BRD1: variants seen among roughly 807,000 people sequenced by gnomAD.
BRD1 encodes the protein bromodomain-containing protein 1.
In BRD1, 24 loss-of-function variants were observed where a neutral mutation model predicts 107.7. That is an observed-to-expected ratio of 0.22 (90% CI 0.16 to 0.31). The LOEUF is 0.31. Among genes scored for constraint, BRD1 ranks in the 10% least tolerant of loss-of-function variants. The pLI is 1.00. For synonymous variants in BRD1, 744 were observed against 686.1 expected (o/e 1.08, Z -1.32); for missense variants, 1,279 against 1,638.6 (o/e 0.78, Z 3.79).
intron 6 of BRD1, 85 bp from the exon 7 acceptor site, chr22:49,794,379 T>A: frequency 6.6e-7 from 1 of 1,517,906 alleles, no homozygotes; most frequent in Non-Finnish European, 8.8e-7. Flanking sequence ...TCAAATCACC[T>A]TCGGCCAAGG....
At chr22:49,778,165 T>C (rs1237546388) in intron 8 of BRD1, among the ~76,000 whole-genome samples, 1 of 152,072 alleles carries the variant, frequency 6.6e-6, no homozygotes, top group Non-Finnish European at 1.5e-5. Context: ...AACCTGTGAG[T>C]GCAAACACGG....
chr22:49,800,795 G>A (rs982148581), intron 3 of BRD1, among the ~76,000 whole-genome samples: 5 of 152,214 alleles, frequency 3.3e-5, no homozygotes, highest in African/African-American at 7.2e-5. Flanking sequence ...GAGGCTCCAC[G>A]AGAAAGGACA....
chr22:49,779,885 C>A (rs1175768210), intron 8 of BRD1, among the ~76,000 whole-genome samples: 2 of 152,148 alleles, frequency 1.3e-5, no homozygotes, highest in Non-Finnish European at 2.9e-5. Context: ...GCCCACAGGC[C>A]CGGAGAGGGG....
At chr22:49,812,248 CAA>C (rs2059864391) in intron 2 of BRD1, among the ~76,000 whole-genome samples, 1 of 151,794 alleles carries the variant, frequency 6.6e-6, no homozygotes, top group African/African-American at 2.4e-5. Flanking sequence ...ATACTGTCCA[CAA>C]AGACGATCCA....
chr22:49,787,348 T>A (rs747733352), intron 8 of BRD1, 42 bp downstream of exon 8: 2 of 1,280,924 alleles, frequency 1.6e-6, no homozygotes, highest in East Asian at 4.7e-5. Flanking sequence ...CTCCAGGCAC[T>A]GGTCGGCAAG....
In BRD1 at chr22:49,775,680, G is replaced by C. The variant is rs907957374; in HGVS notation, c.3297C>G (p.Pro1099=). The change falls in exon 12 of 13, where the codon CCC becomes CCG. Residue 1099 remains proline, a synonymous_variant. Coordinates refer to ENST00000404760, the MANE Select transcript of BRD1 (RefSeq NM_001304808.3). The stretch of plus-strand genomic sequence containing the variant: ...GCTCCCCAATCTTCAGCACGTCCAG[G>C]GGTGGGGCCGGGATGGTGACGCCGT... ...HHNGVTIPAP[P]LDVLKIGEHM... is the part of the protein sequence containing the mutation. 9.9e-6 allele frequency: 16 copies of C among 1,613,768 alleles called. No individual in the cohort carries two copies. The highest frequency in any genetic ancestry group is 2.2e-5 in the South Asian group (2 of 91,050).
chr22:49,802,219 C>T (rs2059656245), intron 3 of BRD1, among the ~76,000 whole-genome samples: 1 of 108,368 alleles, frequency 9.2e-6, no homozygotes, highest in Non-Finnish European at 2.0e-5. Context: ...CTTTCCCCAA[C>T]ATCGCGGGGG....
At chr22:49,798,193 A>AT in intron 5 of BRD1, 76 bp from the exon 6 acceptor site, 1 of 1,392,288 alleles carries the variant, frequency 7.2e-7, no homozygotes, top group Non-Finnish European at 9.8e-7. Flanking sequence ...ATTATTCCAT[A>AT]TAACCCACAA....
At chr22:49,784,306 A>T (rs553371020) in intron 8 of BRD1, among the ~76,000 whole-genome samples, 1 of 145,686 alleles carries the variant, frequency 6.9e-6, no homozygotes, top group African/African-American at 2.6e-5. Flanking sequence ...CGGCGAGTAG[A>T]CAAAGACACC....
Position 49,794,025 on chromosome 22 carries a change from G to C in BRD1, c.2359+9C>G. 1 of 1,607,912 alleles carries C rather than the reference G, an allele frequency of 6.2e-7. No individual in the cohort carries two copies. Among genetic ancestry groups the C allele is most frequent in the South Asian group, 1.1e-5 (1 of 90,646 alleles). On this transcript the variant is annotated intron_variant, in intron 7 of 12. Transcript: ENST00000404760. Reference sequence around the variant, plus strand: ...GCAAGAAAGCGGGGCAGCCCTCACCGTGGCTTACCTTCCTCGCCCGCCTCC... The same window carrying C: ...GCAAGAAAGCGGGGCAGCCCTCACCCTGGCTTACCTTCCTCGCCCGCCTCC...
intron 6 of BRD1, among the ~76,000 whole-genome samples, chr22:49,795,371 C>A (rs755340754): frequency 6.6e-6 from 1 of 152,086 alleles, no homozygotes; most frequent in African/African-American, 2.4e-5. Context: ...CACTGGCTCA[C>A]CTGTGCACTC....
chr22:49,787,316 A>G, intron 8 of BRD1, 74 bp downstream of exon 8: 4 of 436,842 alleles, frequency 9.2e-6, no homozygotes, highest in Non-Finnish European at 1.4e-5. Context: ...CCCCCCCGTC[A>G]CACCAATGAT....
intron 2 of BRD1, among the ~76,000 whole-genome samples, chr22:49,815,824 T>C (rs1159442320): frequency 6.6e-6 from 1 of 152,238 alleles, no homozygotes; most frequent in Non-Finnish European, 1.5e-5. Context: ...TGGCTGGACC[T>C]GCCCTGCAGC....
chr22:49,814,036 C>T (rs1326911136), intron 2 of BRD1, among the ~76,000 whole-genome samples: 1 of 152,086 alleles, frequency 6.6e-6, no homozygotes, highest in African/African-American at 2.4e-5. Context: ...AACCTTTACA[C>T]ACTGACGGGT....
intron 2 of BRD1, among the ~76,000 whole-genome samples, chr22:49,816,939 A>G (rs1452298644): frequency 6.6e-6 from 1 of 152,248 alleles, no homozygotes; most frequent in Non-Finnish European, 1.5e-5. Context: ...TTGTCTACAC[A>G]GGACTTTGCT....
chr22:49,787,325 A>C, intron 8 of BRD1, 65 bp downstream of exon 8: 1 of 710,062 alleles, frequency 1.4e-6, no homozygotes, highest in Non-Finnish European at 2.1e-6. Flanking sequence ...CACACCAATG[A>C]TCCTGAAGGA....
Position 49,794,078 on chromosome 22 carries a change from A to G in BRD1, c.2315T>C (p.Phe772Ser). The G allele has an allele frequency of 6.2e-7, 1 of 1,614,176 alleles. No individual in the cohort carries two copies. The highest frequency in any genetic ancestry group is 8.5e-7 in the Non-Finnish European group (1 of 1,180,042). ...CCCCAGCGCAGCTCCGTCCTCTTCG[A>G]AGCCTTCCAAGCCTGGCCCCGTGGG... ...PLPTGPGLEG[F>S]EEDGAALGPE... is the part of the protein sequence containing the mutation. The change falls in exon 7 of 13, where the codon TTC becomes TCC. Residue 772 changes from phenylalanine to serine, a missense_variant. This residue lies in a region of BRD1 where 406 missense variants were observed against 519.4 expected (regional missense o/e 0.78). Transcript: ENST00000404760.
Position 49,822,882 on chromosome 22 carries a change from C to T in BRD1, c.1367+69G>A. Reference sequence around the variant, plus strand: ...GACCACACAGCACGGGCCCTGCAGGCTGTGCCCACGTCCTCCCAGGGTCCC... The same window carrying T: ...GACCACACAGCACGGGCCCTGCAGGTTGTGCCCACGTCCTCCCAGGGTCCC... On this transcript the variant is annotated intron_variant, in intron 2 of 12. Transcript: ENST00000404760. 4.5e-6 allele frequency: 7 copies of T among 1,550,744 alleles called. No homozygotes were observed. In the South Asian group the frequency reaches 7.2e-5, roughly 16 times the overall value.
intron 2 of BRD1, among the ~76,000 whole-genome samples, chr22:49,809,172 T>C (rs2059802268): frequency 6.6e-6 from 1 of 151,984 alleles, no homozygotes; most frequent in Admixed American, 6.6e-5. Context: ...AAATCCAAAA[T>C]AGATCAGTAA....
Sources: allele counts gnomAD v4.1 joint callset (sites outside exome capture counted in the v4.1 genomes callset), GRCh38; gene constraint gnomAD v4.1.1; regional missense constraint gnomAD v4.1.1; transcripts MANE v1.5; gene names NCBI Gene and HGNC (gene_info 2026-07-23, HGNC 2026-07-21).